Variants in PKHD1 observed in about 807,000 individuals in gnomAD.
The protein encoded by PKHD1 is PKHD1 ciliary IPT domain containing fibrocystin/polyductin.
A neutral mutation model predicts 412.0 loss-of-function variants in PKHD1; 291 were observed. The ratio of observed to expected loss-of-function variants is 0.71; its 90% CI spans 0.64 to 0.78. The LOEUF (loss-of-function observed/expected upper bound fraction) is 0.78. Ranked by LOEUF, PKHD1 falls within the 30% of genes least tolerant of loss-of-function variation. PKHD1 has a pLI of 0.00. For missense variants in PKHD1, 4,825 were observed against 4,950.7 expected, an observed-to-expected ratio of 0.97 and a Z score of 0.76; for synonymous variants, 1,777 against 1,821.5, an observed-to-expected ratio of 0.98 and a Z score of 0.62.
intron 60 of PKHD1, among the ~76,000 whole-genome samples, chr6:51,704,307 G>A (rs1263993240): frequency 1.3e-5 from 2 of 152,058 alleles, no homozygotes; most frequent in East Asian, 3.9e-4. Context: ...AAGGAGACCA[G>A]AGTCTTGTGA....
chr6:51,929,755 T>C (rs1387248531), intron 37 of PKHD1, among the ~76,000 whole-genome samples: 1 of 152,246 alleles, frequency 6.6e-6, no homozygotes, highest in African/African-American at 2.4e-5. Context: ...TATTTATTCC[T>C]ACCAAATTCT....
At chr6:51,772,933 A>C in intron 54 of PKHD1, 144 bp from the exon 55 acceptor site, 1 of 659,792 alleles carries the variant, frequency 1.5e-6, no homozygotes, top group East Asian at 2.7e-5. Flanking sequence ...CAAAAGCATT[A>C]TTTAAATGCT....
chr6:51,798,551 A>G (rs960376700), intron 52 of PKHD1, among the ~76,000 whole-genome samples: 2 of 152,036 alleles, frequency 1.3e-5, no homozygotes, highest in African/African-American at 2.4e-5. Context: ...GGTTGCCTTT[A>G]ACATTTTTGC....
At chr6:52,034,405 A>G (rs866199388) in intron 28 of PKHD1, among the ~76,000 whole-genome samples, 3 of 152,142 alleles carry the variant, frequency 2.0e-5, no homozygotes, top group Middle Eastern at 3.2e-3. Context: ...CTATGCATCT[A>G]TCACTTGGAT....
intron 43 of PKHD1, among the ~76,000 whole-genome samples, chr6:51,901,230 T>C (rs1477448494): frequency 1.3e-5 from 2 of 152,220 alleles, no homozygotes; most frequent in East Asian, 3.8e-4. Context: ...CGTATGTTTA[T>C]TGCGGCATTA....
At chr6:51,751,520 G>A (rs868647673) in intron 57 of PKHD1, among the ~76,000 whole-genome samples, 4 of 151,972 alleles carry the variant, frequency 2.6e-5, no homozygotes, top group African/African-American at 9.7e-5. Flanking sequence ...TTGAGTGAAA[G>A]GTATACAGGA....
chr6:52,007,064 A>G (rs1467724265), intron 35 of PKHD1, among the ~76,000 whole-genome samples: 2 of 152,174 alleles, frequency 1.3e-5, no homozygotes, highest in Admixed American at 6.5e-5. Context: ...ATATATACAT[A>G]CCATAATTTC....
At chr6:51,995,434 A>G (rs1023454133) in intron 35 of PKHD1, among the ~76,000 whole-genome samples, 2 of 152,234 alleles carry the variant, frequency 1.3e-5, no homozygotes, top group Non-Finnish European at 2.9e-5. Context: ...CTTCCTGGTT[A>G]CTTTCTTTCA....
rs1171546139 is a variant in PKHD1, at chr6:51,899,750, T to C, written c.6996+3847A>G. On this transcript the variant is annotated intron_variant, in intron 43 of 66. Transcript: ENST00000371117. ...TTGTCCCTGTTTACAGAAGACATGA[T>C]TGTATATCTGGAAAGCCCCATTGTC... 2.6e-5 allele frequency among the ~76,000 whole-genome samples: 4 copies of C among 152,334 alleles called. No homozygotes were observed. The East Asian group carries it at 5.8e-4, about 22-fold the overall frequency.
At chr6:52,010,612 C>A (rs1488259553) in intron 34 of PKHD1, among the ~76,000 whole-genome samples, 153 bp from the exon 35 acceptor site, 2 of 152,112 alleles carry the variant, frequency 1.3e-5, no homozygotes, top group East Asian at 3.8e-4. Flanking sequence ...TGTTTCCATT[C>A]TTTTATTGTT....
At chr6:51,843,239 A>C (rs1582990368) in intron 50 of PKHD1, among the ~76,000 whole-genome samples, 1 of 152,322 alleles carries the variant, frequency 6.6e-6, no homozygotes, top group East Asian at 1.9e-4. Context: ...ATAAAGGCTG[A>C]GCGTGAAATT....
chr6:51,851,224 G>C (rs1169377139), intron 49 of PKHD1, among the ~76,000 whole-genome samples: 1 of 152,178 alleles, frequency 6.6e-6, no homozygotes, highest in African/African-American at 2.4e-5. Flanking sequence ...TGTTGAACCA[G>C]CCTTGCATCC....
chr6:51,802,285 C>A (rs1486452609), intron 52 of PKHD1, among the ~76,000 whole-genome samples: 1 of 151,452 alleles, frequency 6.6e-6, no homozygotes, highest in Non-Finnish European at 1.5e-5. Context: ...ACCTTGCAAT[C>A]CCCAGAAGAC....
intron 37 of PKHD1, among the ~76,000 whole-genome samples, chr6:51,922,802 C>T (rs776625845): frequency 6.6e-6 from 1 of 152,154 alleles, no homozygotes; most frequent in Non-Finnish European, 1.5e-5. Context: ...TGGAAAAGTG[C>T]AGCACTAGGG....
intron 57 of PKHD1, among the ~76,000 whole-genome samples, chr6:51,752,749 C>A (rs754744240): frequency 5.3e-5 from 8 of 152,098 alleles, no homozygotes; most frequent in Non-Finnish European, 1.2e-4. Context: ...TTGAAAGAAA[C>A]AAGAAAGATT....
Position 51,697,592 on chromosome 6 carries a change from C to T in PKHD1, c.10157-37623G>A, listed in dbSNP as rs139683285. Among the ~76,000 whole-genome samples, 595 of 152,312 alleles carry T rather than the reference C, an allele frequency of 3.9e-3. 4 individuals are homozygous for T. The highest frequency in any genetic ancestry group is 6.1e-3 in the Admixed American group (94 of 15,292). On this transcript the variant is annotated intron_variant, in intron 60 of 66. Transcript: ENST00000371117. Reference sequence around the variant, plus strand: ...CACTAAACGCCCATAAGTACACCCCCGTGTCCCCAGTTGTGGCAACTGAAA... The same window carrying T: ...CACTAAACGCCCATAAGTACACCCCTGTGTCCCCAGTTGTGGCAACTGAAA...
In PKHD1 at chr6:52,010,463, A is replaced by G; in HGVS notation, c.5601-4T>C. 1 of 1,579,032 alleles carries G rather than the reference A, an allele frequency of 6.3e-7. No individual in the cohort carries two copies. The highest frequency in any genetic ancestry group is 8.7e-7 in the Non-Finnish European group (1 of 1,148,218). On this transcript the variant is annotated splice_polypyrimidine_tract_variant and splice_region_variant and intron_variant, in intron 34 of 66. Coordinates refer to ENST00000371117, the MANE Select transcript of PKHD1 (RefSeq NM_138694.4). ...TTCATCTCTTTCCAATTTAGGGCTG[A>G]AACGAGAGGGGAGGTTAAATGGGGT... is the stretch of plus-strand genomic sequence containing the variant.
At chr6:51,864,824 G>A (rs1010282368) in intron 48 of PKHD1, among the ~76,000 whole-genome samples, 1 of 151,668 alleles carries the variant, frequency 6.6e-6, no homozygotes, top group Non-Finnish European at 1.5e-5. Flanking sequence ...CTATATGGTG[G>A]GTAATTCACT....
chr6:51,790,298 A>T (rs941758004), intron 53 of PKHD1, among the ~76,000 whole-genome samples: 1 of 152,182 alleles, frequency 6.6e-6, no homozygotes, highest in Non-Finnish European at 1.5e-5. Context: ...TTCAGCATTT[A>T]TACCTATTGC....
Sources: gnomAD v4.1 joint callset for allele counts (sites outside exome capture counted in the v4.1 genomes callset) on GRCh38, gnomAD v4.1.1 for gene constraint, MANE v1.5 for transcripts, NCBI Gene and HGNC (gene_info 2026-07-23, HGNC 2026-07-21) for gene names.